SORBS2: variants seen among roughly 807,000 people sequenced by gnomAD.
The protein encoded by SORBS2 is sorbin and SH3 domain containing 2.
In SORBS2, 46 loss-of-function variants were observed where a neutral mutation model predicts 97.7. The observed-to-expected ratio is 0.47, with a 90% CI of 0.37 to 0.60. The LOEUF (loss-of-function observed/expected upper bound fraction) is 0.60, where lower values mean the gene tolerates loss of function less well. Among genes scored for constraint, SORBS2 ranks in the 20% least tolerant of loss-of-function variants. The probability of loss-of-function intolerance (pLI) is 0.00; values close to 1 mark genes in which losing one functional copy is unlikely to be tolerated. For synonymous variants in SORBS2, 476 were observed against 473.4 expected, an observed-to-expected ratio of 1.01 and a Z score of -0.07; for missense variants, 1,316 against 1,282.3, an observed-to-expected ratio of 1.03 and a Z score of -0.40.
chr4:185,694,245 A>C (rs530591169), intron 2 of SORBS2, among the ~76,000 whole-genome samples: 2 of 152,368 alleles, frequency 1.3e-5, no homozygotes, highest in South Asian at 4.1e-4. Flanking sequence ...TTGTACTTAC[A>C]TAACAAGCAC....
At chr4:185,670,090 G>A (rs994294831) in intron 4 of SORBS2, among the ~76,000 whole-genome samples, 2 of 151,930 alleles carry the variant, frequency 1.3e-5, no homozygotes, top group African/African-American at 2.4e-5. Context: ...GTGATGGCAG[G>A]TGCCTGTAAT....
intron 2 of SORBS2, among the ~76,000 whole-genome samples, chr4:185,766,181 T>C (rs191828321): frequency 6.6e-6 from 1 of 152,314 alleles, no homozygotes. Context: ...GAATTTGCAC[T>C]GAACCTCCAT....
At chr4:185,600,788 A>T (rs1215970093) in intron 12 of SORBS2, among the ~76,000 whole-genome samples, 1 of 151,758 alleles carries the variant, frequency 6.6e-6, no homozygotes, top group African/African-American at 2.4e-5. Context: ...ACTGTATCAG[A>T]CATTTGTTGG....
At chr4:185,601,814 C>T (rs1037468131) in intron 12 of SORBS2, among the ~76,000 whole-genome samples, 1 of 152,090 alleles carries the variant, frequency 6.6e-6, no homozygotes, top group Admixed American at 6.5e-5. Context: ...GCCGGGGATC[C>T]CCTTCTGATG....
rs115501603 is a variant in SORBS2, at chr4:185,941,710, G to A, written c.-338+14486C>T. Among the ~76,000 whole-genome samples, 1,424 of 152,122 alleles carry A rather than the reference G, an allele frequency of 9.4e-3. 29 individuals are homozygous for A. Among genetic ancestry groups the A allele is most frequent in the African/African-American group, 0.032 (1,343 of 41,494 alleles). ...TGATTGCACCCATTTCTCCAGCCCC[G>A]CCTCCAATCTTGCATAACACATTTC... On this transcript the variant is annotated intron_variant, in intron 1 of 20. Transcript: ENST00000284776.
chr4:185,804,222 G>A (rs1337138540), intron 1 of SORBS2, among the ~76,000 whole-genome samples: 1 of 152,192 alleles, frequency 6.6e-6, no homozygotes, highest in Non-Finnish European at 1.5e-5. Context: ...AAGTCACATG[G>A]AACCACACGC....
At chr4:185,853,826 A>G (rs533960670) in intron 1 of SORBS2, among the ~76,000 whole-genome samples, 2 of 152,286 alleles carry the variant, frequency 1.3e-5, no homozygotes, top group South Asian at 4.1e-4. Flanking sequence ...AGGGAAAATC[A>G]TTTTTGTATT....
chr4:185,751,190 A>AAAAAAAAAAAAAAAAAAAAAAAAAGAG lies in SORBS2; in HGVS notation c.-198+24036_-198+24037insCTCTTTTTTTTTTTTTTTTTTTTTTTT. Among the ~76,000 whole-genome samples, 25 of 86,484 alleles carry AAAAAAAAAAAAAAAAAAAAAAAAAGAG rather than the reference A, an allele frequency of 2.9e-4. 1 individual carries two copies. Among genetic ancestry groups the AAAAAAAAAAAAAAAAAAAAAAAAAGAG allele is most frequent in the African/African-American group, 8.2e-4 (20 of 24,432 alleles). 56.7% of individuals were successfully genotyped at this position (86,484 alleles called of 152,430 possible). A position where few individuals can be genotyped will look rare whatever the true frequency, so the allele number is the denominator to read the frequency against. On this transcript the variant is annotated intron_variant, in intron 2 of 20. Coordinates refer to the SORBS2 transcript ENST00000284776. ...TAAATACTAAAAAAAAAAAAAAAAAAAGAGAAAGAGAGAGAAATTCAGGAA... is the reference window on the plus strand; with the variant it reads ...TAAATACTAAAAAAAAAAAAAAAAAAAAAAAAAAAAAAAAAAAAAAAAAAGAGAGAGAAAGAGAGAGAAATTCAGGAA...
intron 1 of SORBS2, among the ~76,000 whole-genome samples, chr4:185,798,924 T>C (rs1296133750): frequency 6.6e-6 from 1 of 151,390 alleles, no homozygotes; most frequent in East Asian, 1.9e-4. Flanking sequence ...ACTGGCCTGA[T>C]CCACCCAGAA....
exon 14 of SORBS2, chr4:185,589,697 C>T (rs1321834697): frequency 6.2e-6 from 10 of 1,608,436 alleles, no homozygotes; most frequent in East Asian, 2.2e-5. Flanking sequence ...CAGCCGTCAT[C>T]ACACTTTTCC....
chr4:185,738,241 A>G lies in SORBS2; in HGVS notation c.-198+36986T>C, dbSNP rs1176113581. Among the ~76,000 whole-genome samples the G allele has an allele frequency of 2.0e-5, 3 of 152,188 alleles. No individual in the cohort carries two copies. The East Asian group carries it at 5.8e-4, about 29-fold the overall frequency. On this transcript the variant is annotated intron_variant, in intron 2 of 20. Transcript: ENST00000284776. ...CCATTAACCTTCCAGGGTCATTCAA[A>G]TATTTTCTGAGAAATTGGCTGCTTT... is the stretch of plus-strand genomic sequence containing the variant.
chr4:185,613,753 A>G (rs2096582738), intron 11 of SORBS2, among the ~76,000 whole-genome samples: 2 of 152,052 alleles, frequency 1.3e-5, no homozygotes, highest in African/African-American at 4.8e-5. Flanking sequence ...GTGAGCTGTA[A>G]GAGGCATTGG....
intron 2 of SORBS2, among the ~76,000 whole-genome samples, chr4:185,714,347 T>A (rs1194269089): frequency 6.6e-6 from 1 of 152,230 alleles, no homozygotes; most frequent in African/African-American, 2.4e-5. Context: ...CTACACTTGG[T>A]CTATACCAGG....
At chr4:185,694,895 C>A (rs1003418170) in intron 2 of SORBS2, among the ~76,000 whole-genome samples, 1 of 151,244 alleles carries the variant, frequency 6.6e-6, no homozygotes, top group Non-Finnish European at 1.5e-5. Flanking sequence ...TTAGTAGAGA[C>A]GGGGTTTTAC....
At chr4:185,906,538 G>T (rs1268181590) in intron 1 of SORBS2, among the ~76,000 whole-genome samples, 1 of 152,072 alleles carries the variant, frequency 6.6e-6, no homozygotes, top group African/African-American at 2.4e-5. Context: ...CCAACTTTTG[G>T]TATGAAATAA....
intron 1 of SORBS2, among the ~76,000 whole-genome samples, chr4:185,822,831 G>A (rs944935370): frequency 4.1e-4 from 62 of 152,064 alleles, no homozygotes; most frequent in African/African-American, 1.3e-3. Flanking sequence ...GAGAACGCCG[G>A]GAGTATAAAG....
intron 4 of SORBS2, among the ~76,000 whole-genome samples, chr4:185,664,405 G>A (rs772080995): frequency 6.6e-6 from 1 of 152,146 alleles, no homozygotes; most frequent in Non-Finnish European, 1.5e-5. Context: ...AATTGAACAG[G>A]TTAGTTGGTA....
At position 185,763,394 on chromosome 4, in the gene SORBS2, C is replaced by A. The variant is rs138834837; in HGVS notation, c.-198+11833G>T. ...TGCTATACTGGCCCTTCCTTCCCAGCCATTCTCCTCCAATCACCTGCCCTG... is the reference window on the plus strand; with the variant it reads ...TGCTATACTGGCCCTTCCTTCCCAGACATTCTCCTCCAATCACCTGCCCTG... On this transcript the variant is annotated intron_variant, in intron 2 of 20. Transcript: ENST00000284776. 4.2e-3 allele frequency among the ~76,000 whole-genome samples: 633 copies of A among 152,252 alleles called. 6 individuals are homozygous for A. The highest frequency in any genetic ancestry group is 6.7e-3 in the Admixed American group (102 of 15,294).
At chr4:185,722,382 C>A (rs1305404559) in intron 2 of SORBS2, among the ~76,000 whole-genome samples, 1 of 152,194 alleles carries the variant, frequency 6.6e-6, no homozygotes, top group East Asian at 1.9e-4. Context: ...AAATTATTAT[C>A]ATTCATGTGG....
Sources: allele counts gnomAD v4.1 joint callset (sites outside exome capture counted in the v4.1 genomes callset), GRCh38; gene constraint gnomAD v4.1.1; transcripts MANE v1.5; gene names NCBI Gene and HGNC (gene_info 2026-07-23, HGNC 2026-07-21).